The following TMEM207 variants were observed in gnomAD, a reference collection of about 807,000 sequenced individuals.
TMEM207 encodes the protein transmembrane protein 207, also known as SRSR846.
A neutral mutation model predicts 17.4 loss-of-function variants in TMEM207; 15 were observed. The observed-to-expected ratio is 0.86, with a 90% CI of 0.58 to 1.33. TMEM207 has a LOEUF of 1.33. Among genes scored for constraint, TMEM207 ranks in the 40% most tolerant of loss-of-function variants. The pLI is 0.00. For missense variants in TMEM207, 205 were observed against 173.8 expected (o/e 1.18, Z -1.01); for synonymous variants, 70 against 65.6 (o/e 1.07, Z -0.33).
At chr3:190,431,818 C>G (rs561170330) in intron 4 of TMEM207, among the ~76,000 whole-genome samples, 1 of 152,184 alleles carries the variant, frequency 6.6e-6, no homozygotes, top group East Asian at 1.9e-4. Context: ...AGAGTCTTCA[C>G]AGTTGCTTTC....
chr3:190,442,607 T>C (rs1719958784), intron 2 of TMEM207, among the ~76,000 whole-genome samples: 1 of 152,194 alleles, frequency 6.6e-6, no homozygotes, highest in Non-Finnish European at 1.5e-5. Context: ...CTTTTGTCTG[T>C]TTTCTGTTTA....
At chr3:190,445,205 A>G (rs552531170) in intron 2 of TMEM207, among the ~76,000 whole-genome samples, 53 of 152,292 alleles carry the variant, frequency 3.5e-4, no homozygotes, top group African/African-American at 1.3e-3. Flanking sequence ...AAAATCTATC[A>G]ATGCAATTAA....
intron 4 of TMEM207, among the ~76,000 whole-genome samples, chr3:190,430,267 T>TA (rs963382209): frequency 2.6e-5 from 4 of 151,094 alleles, no homozygotes; most frequent in Admixed American, 1.3e-4. Flanking sequence ...TTCTAAAATT[T>TA]AAAAAAAAAC....
chr3:190,428,693 A>T lies in TMEM207; in HGVS notation c.*902T>A, dbSNP rs1057228115. 6 of 152,182 alleles carry T rather than the reference A, an allele frequency of 3.9e-5. No individual in the cohort carries two copies. The highest frequency in any genetic ancestry group is 7.3e-5 in the Non-Finnish European group (5 of 68,028). 9.4% of individuals were successfully genotyped at this position (152,182 alleles called of 1,614,324 possible). On this transcript the variant is annotated 3_prime_UTR_variant, in exon 5 of 5. Transcript: ENST00000354905. ...TTGATGTTTATTGTTTTGTTCAACAAATTTGTCAGCTGAAGATCATATGTC... is the reference window on the plus strand; with the variant it reads ...TTGATGTTTATTGTTTTGTTCAACATATTTGTCAGCTGAAGATCATATGTC...
chr3:190,429,702 C>T lies in TMEM207; in HGVS notation c.334G>A (p.Gly112Arg), dbSNP rs369868488. The T allele has an allele frequency of 9.1e-5, 147 of 1,610,822 alleles. No homozygotes were observed. Among genetic ancestry groups the T allele is most frequent in the Admixed American group, 1.2e-4 (7 of 59,594 alleles). Reference sequence around the variant, plus strand: ...GGGGTTTGAGTTTGAAGGTGAATTCCAACAGTTGGACTCACAGCTGCTTCT... The same window carrying T: ...GGGGTTTGAGTTTGAAGGTGAATTCTAACAGTTGGACTCACAGCTGCTTCT... ...GTEAAVSPTV[G>R]IHLQTQTPDL... The change falls in exon 5 of 5, where the codon GGA becomes AGA. Residue 112 changes from glycine (G) to arginine (R), a missense_variant. Transcript: ENST00000354905.
intron 4 of TMEM207, among the ~76,000 whole-genome samples, chr3:190,439,605 G>A (rs1427735421): frequency 1.3e-5 from 2 of 152,068 alleles, no homozygotes; most frequent in African/African-American, 2.4e-5. Flanking sequence ...AGCTAAGGCT[G>A]GCAGCTGCAA....
chr3:190,441,617 C>A, intron 2 of TMEM207, 135 bp from the exon 3 acceptor site: 1 of 653,324 alleles, frequency 1.5e-6, no homozygotes, highest in Non-Finnish European at 2.7e-6. Flanking sequence ...CAGCCCATAT[C>A]GTCCCGCACC....
intron 4 of TMEM207, among the ~76,000 whole-genome samples, chr3:190,438,946 T>C (rs1048675457): frequency 6.6e-6 from 1 of 152,002 alleles, no homozygotes; most frequent in Non-Finnish European, 1.5e-5. Flanking sequence ...TCCCAGCACT[T>C]TGGGAGGCCG....
intron 2 of TMEM207, chr3:190,444,442 G>T: frequency 2.0e-6 from 2 of 985,116 alleles, no homozygotes; most frequent in Non-Finnish European, 2.4e-6. Context: ...GTACCATGTG[G>T]AGTATTGCCT....
In TMEM207 at chr3:190,449,817, G is replaced by A; in HGVS notation, c.-8C>T. ...AAGTCTGGATCTTGACATATTTAAA[G>A]GACAGTCAACTTAGGATAGTGGTTT... On this transcript the variant is annotated 5_prime_UTR_variant, in exon 1 of 5. Transcript: ENST00000354905. 1 of 1,613,160 alleles carries A rather than the reference G, an allele frequency of 6.2e-7. No individual in the cohort carries two copies. The highest frequency in any genetic ancestry group is 8.5e-7 in the Non-Finnish European group (1 of 1,179,230).
At chr3:190,433,357 C>T (rs576999224) in intron 4 of TMEM207, among the ~76,000 whole-genome samples, 75 of 152,154 alleles carry the variant, frequency 4.9e-4, no homozygotes, top group African/African-American at 1.6e-3. Context: ...TTTTAATAAA[C>T]TCCAAAATTC....
intron 2 of TMEM207, among the ~76,000 whole-genome samples, chr3:190,442,346 T>C (rs1719953669): frequency 6.6e-6 from 1 of 152,222 alleles, no homozygotes; most frequent in Non-Finnish European, 1.5e-5. Flanking sequence ...TAATCATATC[T>C]TCTTCAGCCA....
chr3:190,429,927 G>C (rs1560105097), intron 4 of TMEM207, among the ~76,000 whole-genome samples, 196 bp from the exon 5 acceptor site: 1 of 151,888 alleles, frequency 6.6e-6, no homozygotes, highest in Admixed American at 6.6e-5. Context: ...AAAAAAAATT[G>C]CTTGCCTGAA....
chr3:190,438,991 C>CATCCCGGCTAAA (rs1719864303), intron 4 of TMEM207, among the ~76,000 whole-genome samples: 1 of 151,492 alleles, frequency 6.6e-6, no homozygotes, highest in Admixed American at 6.6e-5. Flanking sequence ...AGATCGAGAC[C>CATCCCGGCTAAA]ACGGTGAAAC....
chr3:190,434,577 G>A (rs909334961), intron 4 of TMEM207, among the ~76,000 whole-genome samples: 2 of 152,074 alleles, frequency 1.3e-5, no homozygotes, highest in Non-Finnish European at 2.9e-5. Context: ...TCAGCAGCTT[G>A]AAAATGGACT....
intron 4 of TMEM207, among the ~76,000 whole-genome samples, chr3:190,439,468 T>C (rs1173328473): frequency 6.6e-6 from 1 of 152,186 alleles, no homozygotes; most frequent in East Asian, 1.9e-4. Flanking sequence ...GAGGTAACTG[T>C]AGTGTGTAAT....
intron 2 of TMEM207, among the ~76,000 whole-genome samples, chr3:190,446,444 C>T (rs1302820244): frequency 1.3e-5 from 2 of 152,192 alleles, no homozygotes; most frequent in African/African-American, 2.4e-5. Flanking sequence ...GACCACCCTA[C>T]ATTCCCAGCC....
intron 4 of TMEM207, among the ~76,000 whole-genome samples, chr3:190,437,476 T>G (rs1331262237): frequency 1.3e-5 from 2 of 152,198 alleles, no homozygotes; most frequent in African/African-American, 2.4e-5. Flanking sequence ...AGATAATATC[T>G]GAAAATCCGC....
intron 2 of TMEM207, among the ~76,000 whole-genome samples, chr3:190,443,257 T>C (rs1719973587): frequency 6.6e-6 from 1 of 152,130 alleles, no homozygotes; most frequent in Non-Finnish European, 1.5e-5. Flanking sequence ...CTTTACTTTT[T>C]TTCTGTTTGA....
Sources: gnomAD v4.1 joint callset for allele counts (sites outside exome capture counted in the v4.1 genomes callset) on GRCh38, gnomAD v4.1.1 for gene constraint, MANE v1.5 for transcripts, NCBI Gene and HGNC (gene_info 2026-07-23, HGNC 2026-07-21) for gene names.